The following VTI1A variants were observed in gnomAD, a reference collection of about 807,000 sequenced individuals.
VTI1A encodes vesicle transport through interaction with t-SNAREs homolog 1A.
Under a neutral mutation model 34.9 loss-of-function variants are expected in VTI1A, and 22 were observed. That is an observed-to-expected ratio of 0.63 (90% confidence interval 0.45 to 0.90). VTI1A has a LOEUF of 0.90. Among genes scored for constraint, VTI1A ranks in the 40% least tolerant of loss-of-function variants. The pLI is 0.00. For missense variants in VTI1A, 268 were observed against 275.6 expected (o/e 0.97, Z 0.20); for synonymous variants, 87 against 97.3 (o/e 0.89, Z 0.62).
intron 7 of VTI1A, among the ~76,000 whole-genome samples, chr10:112,751,658 G>A (rs1340572056): frequency 2.0e-5 from 3 of 151,868 alleles, no homozygotes; most frequent in South Asian, 2.1e-4. Context: ...CCAATAAAGG[G>A]GATAAAATTG....
intron 5 of VTI1A, among the ~76,000 whole-genome samples, chr10:112,623,981 A>C (rs1845826863): frequency 6.6e-6 from 1 of 152,244 alleles, no homozygotes; most frequent in Non-Finnish European, 1.5e-5. Context: ...AAGGGCCTTC[A>C]GCCTCGGCTC....
chr10:112,624,720 A>C (rs1845857037), intron 5 of VTI1A, among the ~76,000 whole-genome samples: 1 of 152,198 alleles, frequency 6.6e-6, no homozygotes. Context: ...GTGAATCAGC[A>C]GTTTGGCAGT....
At chr10:112,780,182 G>C (rs1019707435) in intron 7 of VTI1A, among the ~76,000 whole-genome samples, 1 of 150,742 alleles carries the variant, frequency 6.6e-6, no homozygotes, top group African/African-American at 2.4e-5. Context: ...CTGCTAGGAG[G>C]ATCGTTTGAG....
intron 1 of VTI1A, among the ~76,000 whole-genome samples, chr10:112,460,238 G>C (rs756305710): frequency 6.6e-6 from 1 of 152,092 alleles, no homozygotes; most frequent in African/African-American, 2.4e-5. Context: ...TGTTGACTTA[G>C]TCTCTCCTAA....
chr10:112,634,921 A>G (rs1846288337), intron 5 of VTI1A, among the ~76,000 whole-genome samples: 1 of 152,180 alleles, frequency 6.6e-6, no homozygotes, highest in African/African-American at 2.4e-5. Context: ...CATAATAAAT[A>G]AACTCTGGGG....
At chr10:112,535,077 T>A (rs1362850541) in intron 4 of VTI1A, among the ~76,000 whole-genome samples, 3 of 152,238 alleles carry the variant, frequency 2.0e-5, no homozygotes, top group Non-Finnish European at 2.9e-5. Flanking sequence ...AAGCATCACG[T>A]CTGCATTTCT....
intron 7 of VTI1A, among the ~76,000 whole-genome samples, chr10:112,803,341 T>A (rs766709207): frequency 6.6e-5 from 10 of 152,218 alleles, no homozygotes; most frequent in Non-Finnish European, 1.5e-4. Context: ...GTGCTGGGAT[T>A]ACAGGCATGA....
At chr10:112,648,484 C>A (rs1250256317) in intron 5 of VTI1A, among the ~76,000 whole-genome samples, 1 of 152,120 alleles carries the variant, frequency 6.6e-6, no homozygotes, top group Non-Finnish European at 1.5e-5. Context: ...TGAGCATCAA[C>A]CATGATAAAT....
At chr10:112,757,351 A>ATTTTTTGTTTTTTTT (rs1851321114) in intron 7 of VTI1A, among the ~76,000 whole-genome samples, 1 of 40,672 alleles carries the variant, frequency 2.5e-5, no homozygotes, top group Admixed American at 3.9e-4. Context: ...TGTTGCTGTG[A>ATTTTTTGTTTTTTTT]TTTTTTTTTT....
intron 5 of VTI1A, among the ~76,000 whole-genome samples, chr10:112,563,425 TAAA>T (rs35123488): frequency 6.6e-6 from 1 of 152,102 alleles, no homozygotes; most frequent in African/African-American, 2.4e-5. Context: ...ATTCATCATA[TAAA>T]AAAAATTTTT....
At chr10:112,653,289 GA>G (rs2133805798) in intron 5 of VTI1A, among the ~76,000 whole-genome samples, 1 of 152,300 alleles carries the variant, frequency 6.6e-6, no homozygotes, top group South Asian at 2.1e-4. Flanking sequence ...GCCTCATTAA[GA>G]GGGAATTTTT....
At chr10:112,722,063 G>A (rs541517289) in intron 7 of VTI1A, among the ~76,000 whole-genome samples, 2 of 152,278 alleles carry the variant, frequency 1.3e-5, no homozygotes, top group East Asian at 3.9e-4. Flanking sequence ...CCTTATTGAG[G>A]AAAGAGAGTT....
chr10:112,780,269 T>C (rs1415005238), intron 7 of VTI1A, among the ~76,000 whole-genome samples: 1 of 132,264 alleles, frequency 7.6e-6, no homozygotes, highest in Non-Finnish European at 1.6e-5. Context: ...AGACCCTGTC[T>C]CTAAAAATAA....
intron 1 of VTI1A, among the ~76,000 whole-genome samples, chr10:112,451,725 A>T (rs1847246667): frequency 6.6e-6 from 1 of 151,942 alleles, no homozygotes; most frequent in South Asian, 2.1e-4. Context: ...GTGTAGATGA[A>T]GGCATAAACA....
intron 3 of VTI1A, among the ~76,000 whole-genome samples, chr10:112,483,033 A>G (rs1473507351): frequency 6.6e-6 from 1 of 152,156 alleles, no homozygotes; most frequent in Non-Finnish European, 1.5e-5. Context: ...GAGAAAATAA[A>G]AGCCTAAGAG....
At chr10:112,764,103 G>T (rs1006670836) in intron 7 of VTI1A, among the ~76,000 whole-genome samples, 13 of 152,180 alleles carry the variant, frequency 8.5e-5, no homozygotes, top group Non-Finnish European at 1.5e-4. Flanking sequence ...ACAGACTGAT[G>T]CCCGACCTAT....
chr10:112,782,793 G>A (rs1442345350), intron 7 of VTI1A, among the ~76,000 whole-genome samples: 2 of 152,102 alleles, frequency 1.3e-5, no homozygotes, highest in Non-Finnish European at 2.9e-5. Context: ...AGGACCACTT[G>A]TCAGGGGGTG....
At chr10:112,687,864 AGATCTGT>A (rs1848475885) in intron 7 of VTI1A, among the ~76,000 whole-genome samples, 1 of 151,980 alleles carries the variant, frequency 6.6e-6, no homozygotes, top group Non-Finnish European at 1.5e-5. Context: ...TTGGCCTTGC[AGATCTGT>A]GAGAAGGAAA....
the VTI1A span, among the ~76,000 whole-genome samples, chr10:112,846,722 C>T: frequency 4.0e-5 from 6 of 149,108 alleles, no homozygotes; most frequent in African/African-American, 1.2e-4. Context: ...GCCGAGATCG[C>T]GCCACTGCAC....
Sources: allele counts gnomAD v4.1 joint callset (sites outside exome capture counted in the v4.1 genomes callset), GRCh38; gene constraint gnomAD v4.1.1; transcripts MANE v1.5; gene names NCBI Gene and HGNC (gene_info 2026-07-23, HGNC 2026-07-21).